Variants in NELL1 observed in about 807,000 individuals in gnomAD.
NELL1 encodes the protein protein kinase C-binding protein NELL1.
A neutral mutation model predicts 107.4 loss-of-function variants in NELL1; 76 were observed. The ratio of observed to expected loss-of-function variants is 0.71; its 90% CI spans 0.59 to 0.86. The LOEUF is 0.86. Ranked by LOEUF, NELL1 falls within the 40% of genes least tolerant of loss-of-function variation. The pLI, the probability that NELL1 is intolerant of heterozygous loss-of-function variation, is 0.00. For missense variants in NELL1, 1,024 were observed against 1,005.5 expected (o/e 1.02, Z -0.25); for synonymous variants, 353 against 341.2 (o/e 1.03, Z -0.38).
At chr11:21,463,145 C>T (rs962109227) in intron 15 of NELL1, among the ~76,000 whole-genome samples, 4 of 151,954 alleles carry the variant, frequency 2.6e-5, no homozygotes, top group Non-Finnish European at 5.9e-5. Flanking sequence ...TGTCTCTATC[C>T]AGTGGTGAGA....
At chr11:21,502,850 CCTAT>C (rs1265306486) in intron 15 of NELL1, among the ~76,000 whole-genome samples, 1 of 152,054 alleles carries the variant, frequency 6.6e-6, no homozygotes. Flanking sequence ...ATAATAATTT[CCTAT>C]CTTTTTTATT....
At chr11:20,919,059 C>T (rs536483080) in intron 6 of NELL1, among the ~76,000 whole-genome samples, 193 bp from the exon 7 acceptor site, 1 of 151,628 alleles carries the variant, frequency 6.6e-6, no homozygotes, top group South Asian at 2.1e-4. Context: ...TTTCCTGTTC[C>T]TTTCTTTTTG....
intron 12 of NELL1, among the ~76,000 whole-genome samples, chr11:21,110,100 C>G (rs1386765438): frequency 2.0e-5 from 3 of 152,112 alleles, no homozygotes; most frequent in Middle Eastern, 3.2e-3. Flanking sequence ...GCTTTTATAT[C>G]TGGTGGTTAC....
At chr11:20,705,286 A>C (rs142963009) in intron 2 of NELL1, among the ~76,000 whole-genome samples, 29,482 of 151,966 alleles carry the variant, frequency 0.19, 3,157 homozygotes, top group African/African-American at 0.25. Context: ...TACAGTAACC[A>C]AAACAGCATG....
chr11:21,522,373 G>A (rs1203234544), intron 15 of NELL1, among the ~76,000 whole-genome samples: 1 of 152,312 alleles, frequency 6.6e-6, no homozygotes, highest in Non-Finnish European at 1.5e-5. Flanking sequence ...ACAATGGAAT[G>A]CTATTTAGCC....
intron 14 of NELL1, among the ~76,000 whole-genome samples, chr11:21,268,030 T>G (rs1848669042): frequency 6.6e-6 from 1 of 152,102 alleles, no homozygotes; most frequent in East Asian, 1.9e-4. Context: ...GTCTTTTAGT[T>G]AGAAAATTTA....
chr11:21,541,260 A>G (rs1856286854), intron 16 of NELL1, among the ~76,000 whole-genome samples: 1 of 152,044 alleles, frequency 6.6e-6, no homozygotes, highest in South Asian at 2.1e-4. Context: ...TCTGCTTTAT[A>G]GCACTTAGTT....
chr11:21,452,633 G>T (rs1188687285), intron 15 of NELL1, among the ~76,000 whole-genome samples: 38 of 151,766 alleles, frequency 2.5e-4, no homozygotes, highest in Admixed American at 2.5e-3. Context: ...ATTGATTTTT[G>T]TCTATTGGTT....
chr11:21,134,773 C>A (rs578164236), intron 13 of NELL1, among the ~76,000 whole-genome samples: 2 of 152,118 alleles, frequency 1.3e-5, no homozygotes, highest in African/African-American at 4.8e-5. Flanking sequence ...TTAAATAGAG[C>A]GTGCTTTGAA....
intron 15 of NELL1, among the ~76,000 whole-genome samples, chr11:21,446,372 T>A (rs551532197): frequency 1.3e-5 from 2 of 152,044 alleles, no homozygotes; most frequent in African/African-American, 4.8e-5. Context: ...GGTGAAGTTA[T>A]GTTTTCCTGG....
At chr11:21,528,536 A>T (rs1179913294) in intron 15 of NELL1, among the ~76,000 whole-genome samples, 2 of 99,938 alleles carry the variant, frequency 2.0e-5, no homozygotes, top group Non-Finnish European at 3.7e-5. Flanking sequence ...TTTTTTTTCC[A>T]CAATGACTTG....
At chr11:20,862,687 G>A (rs996207727) in intron 4 of NELL1, among the ~76,000 whole-genome samples, 1 of 147,372 alleles carries the variant, frequency 6.8e-6, no homozygotes, top group African/African-American at 2.5e-5. Context: ...GACAATAGTG[G>A]AGGGAAGGTC....
chr11:21,001,458 G>A (rs1852219188), intron 12 of NELL1, among the ~76,000 whole-genome samples: 1 of 151,628 alleles, frequency 6.6e-6, no homozygotes, highest in African/African-American at 2.4e-5. Context: ...AACCTGAAGA[G>A]TGACAGCTGA....
intron 4 of NELL1, among the ~76,000 whole-genome samples, chr11:20,864,155 C>T (rs1023099807): frequency 1.3e-5 from 2 of 151,664 alleles, no homozygotes; most frequent in Admixed American, 1.3e-4. Flanking sequence ...TTTTTTATTT[C>T]GAGAGTCATT....
intron 16 of NELL1, among the ~76,000 whole-genome samples, chr11:21,557,270 A>G (rs557524703): frequency 2.6e-5 from 4 of 152,140 alleles, no homozygotes; most frequent in South Asian, 4.1e-4. Flanking sequence ...AAATCTTTTC[A>G]TTCTGGAGAA....
intron 16 of NELL1, among the ~76,000 whole-genome samples, chr11:21,537,310 G>A (rs774730837): frequency 6.6e-6 from 1 of 152,072 alleles, no homozygotes; most frequent in Non-Finnish European, 1.5e-5. Context: ...GGCCTTCATG[G>A]TTTTAGATGA....
At chr11:20,813,006 C>CAAAAAAAAAAAAAAA (rs869187456) in intron 3 of NELL1, among the ~76,000 whole-genome samples, 2 of 61,238 alleles carry the variant, frequency 3.3e-5, no homozygotes, top group African/African-American at 1.4e-4. Flanking sequence ...GACTCCGTCT[C>CAAAAAAAAAAAAAAA]AAAAAAAAAA....
chr11:21,121,079 G>C (rs1279187316), intron 13 of NELL1, among the ~76,000 whole-genome samples: 1 of 152,088 alleles, frequency 6.6e-6, no homozygotes, highest in Non-Finnish European at 1.5e-5. Context: ...GCTGTTCTGG[G>C]GTTGGGACCC....
chr11:20,867,919 TG>T (rs1279480411), intron 4 of NELL1, among the ~76,000 whole-genome samples: 2 of 152,286 alleles, frequency 1.3e-5, no homozygotes, highest in East Asian at 3.9e-4. Flanking sequence ...AAATTGTGAA[TG>T]AGACATTTAT....
Sources: allele counts gnomAD v4.1 joint callset (sites outside exome capture counted in the v4.1 genomes callset), GRCh38; gene constraint gnomAD v4.1.1; transcripts MANE v1.5; gene names NCBI Gene and HGNC (gene_info 2026-07-23, HGNC 2026-07-21).